LRRC31: variants seen among roughly 807,000 people sequenced by gnomAD.
LRRC31 encodes the protein leucine-rich repeat-containing protein 31.
In LRRC31, 35 loss-of-function variants were observed where a neutral mutation model predicts 46.7. The ratio of observed to expected loss-of-function variants is 0.75; its 90% CI spans 0.57 to 0.99. The LOEUF is 0.99. Among genes scored for constraint, LRRC31 ranks in the 50% least tolerant of loss-of-function variants. The pLI is 0.00. For synonymous variants in LRRC31, 236 were observed against 235.1 expected, an observed-to-expected ratio of 1.00 and a Z score of -0.03; for missense variants, 613 against 626.1, an observed-to-expected ratio of 0.98 and a Z score of 0.22.
At chr3:169,842,882 G>C (rs1457042391) in intron 8 of LRRC31, among the ~76,000 whole-genome samples, 1 of 151,986 alleles carries the variant, frequency 6.6e-6, no homozygotes, top group East Asian at 1.9e-4. Flanking sequence ...ATATTTAATG[G>C]TGTCTAATTC....
intron 1 of LRRC31, among the ~76,000 whole-genome samples, chr3:169,862,481 G>C (rs1451126169): frequency 6.6e-6 from 1 of 152,284 alleles, no homozygotes; most frequent in East Asian, 1.9e-4. Flanking sequence ...ACATGCTAGT[G>C]GCTGGGCACG....
chr3:169,868,433 A>G (rs1258911211), intron 1 of LRRC31, among the ~76,000 whole-genome samples: 1 of 152,156 alleles, frequency 6.6e-6, no homozygotes, highest in East Asian at 1.9e-4. Context: ...CCATCCCATC[A>G]TTCTTTGTCT....
chr3:169,856,921 A>G, intron 3 of LRRC31, 49 bp from the exon 4 acceptor site: 37 of 1,543,360 alleles, frequency 2.4e-5, no homozygotes, highest in Non-Finnish European at 3.3e-5. Flanking sequence ...TCAGAAAAGC[A>G]GGGAATTCAT....
At chr3:169,864,729 C>T (rs1781277474) in intron 1 of LRRC31, among the ~76,000 whole-genome samples, 1 of 152,188 alleles carries the variant, frequency 6.6e-6, no homozygotes, top group Non-Finnish European at 1.5e-5. Flanking sequence ...TGAGTACTAA[C>T]TTATGAGACC....
At position 169,851,664 on chromosome 3, in the gene LRRC31, C is replaced by T. The variant is rs1419142800; in HGVS notation, c.1114G>A (p.Val372Ile). The T allele has an allele frequency of 1.9e-6, 3 of 1,614,162 alleles. No individual in the cohort carries two copies. In the South Asian group the frequency reaches 3.3e-5, roughly 18 times the overall value. The stretch of plus-strand genomic sequence containing the variant: ...CTCTCCAAAGCACAGTTGTTGATAA[C>T]TAATGACTTCAATGCTGGTAAAAAT... ...LRFLPALKSL[V>I]INNCALESET... Residue 372 changes from valine to isoleucine, a missense_variant, in exon 7 of 9, where the codon GTT becomes ATT. Physicochemically the swap from Val to Ile is conservative, Grantham distance 29 (BLOSUM62 3). Transcript: ENST00000316428.
chr3:169,852,234 T>TAA (rs57252430), intron 6 of LRRC31, among the ~76,000 whole-genome samples: 34 of 132,478 alleles, frequency 2.6e-4, no homozygotes, highest in African/African-American at 7.2e-4. Context: ...CCGTCTCTAC[T>TAA]AAAAAAAAAA....
chr3:169,861,565 C>T, intron 2 of LRRC31, 105 bp downstream of exon 2: 1 of 1,158,786 alleles, frequency 8.6e-7, no homozygotes. Context: ...TCTGGGACCA[C>T]TCAGCAGACT....
At position 169,869,846 on chromosome 3, in the gene LRRC31, C is replaced by T. The variant is rs764295503; in HGVS notation, c.-39G>A. The T allele has an allele frequency of 1.2e-5, 18 of 1,520,110 alleles. 2 individuals carry two copies. The South Asian group carries it at 2.4e-4, about 20-fold the overall frequency. 94.2% of individuals were successfully genotyped at this position (1,520,110 alleles called of 1,614,324 possible). Reference sequence around the variant, plus strand: ...GGGGTAGTTCCCAATAAGACATCTTCCTGTTGCTTTCTGTTTTCTAGGATT... The same window carrying T: ...GGGGTAGTTCCCAATAAGACATCTTTCTGTTGCTTTCTGTTTTCTAGGATT... On this transcript the variant is annotated 5_prime_UTR_variant, in exon 1 of 9. Transcript: ENST00000316428.
intron 3 of LRRC31, among the ~76,000 whole-genome samples, chr3:169,858,538 G>C (rs1407868929): frequency 6.6e-6 from 1 of 152,184 alleles, no homozygotes; most frequent in East Asian, 1.9e-4. Flanking sequence ...GAGAAAGAAG[G>C]ACTATCAGTT....
intron 3 of LRRC31, among the ~76,000 whole-genome samples, chr3:169,859,078 T>A (rs1449601251): frequency 7.1e-6 from 1 of 141,718 alleles, no homozygotes; most frequent in African/African-American, 2.6e-5. Flanking sequence ...ATAAAAAAAA[T>A]ACAAAATAAT....
chr3:169,859,328 C>CTAGGAT (rs1240871311), intron 3 of LRRC31, among the ~76,000 whole-genome samples: 4 of 151,430 alleles, frequency 2.6e-5, no homozygotes, highest in Admixed American at 2.0e-4. Context: ...CGGGTAGGCA[C>CTAGGAT]TAGGATTTGA....
At chr3:169,865,932 A>G (rs1371176136) in intron 1 of LRRC31, among the ~76,000 whole-genome samples, 6 of 152,162 alleles carry the variant, frequency 3.9e-5, no homozygotes, top group African/African-American at 1.2e-4. Context: ...TGGGAGAAGA[A>G]TGTGGCCAGT....
intron 8 of LRRC31, among the ~76,000 whole-genome samples, chr3:169,845,844 AT>A (rs1438490842): frequency 1.3e-5 from 2 of 152,198 alleles, no homozygotes; most frequent in African/African-American, 4.8e-5. Context: ...AAATTAACAA[AT>A]TGATAAATCT....
chr3:169,866,386 G>C (rs982002438), intron 1 of LRRC31, among the ~76,000 whole-genome samples: 7 of 152,176 alleles, frequency 4.6e-5, no homozygotes, highest in African/African-American at 9.7e-5. Flanking sequence ...TGGGTGGTCA[G>C]TGTTGCACAG....
rs1164517509 is a variant in LRRC31 at position 169,867,023 on chromosome 3, G to A, written c.175+2610C>T. 1.7e-3 allele frequency among the ~76,000 whole-genome samples: 240 copies of A among 140,714 alleles called. 2 individuals are homozygous for A. The South Asian group carries it at 0.02, about 12-fold the overall frequency. 92.3% of individuals were successfully genotyped at this position (140,714 alleles called of 152,430 possible). ...ATTTTTTTTTTTTCTGTCTCAGAAA[G>A]AAAATTGGCCATGGGTTTTTTTTGT... On this transcript the variant is annotated intron_variant, in intron 1 of 8. Coordinates refer to ENST00000316428, the MANE Select transcript of LRRC31 (RefSeq NM_024727.4).
chr3:169,861,124 C>T (rs528502898), intron 2 of LRRC31, among the ~76,000 whole-genome samples: 43 of 141,414 alleles, frequency 3.0e-4, no homozygotes, highest in African/African-American at 1.1e-3. Flanking sequence ...GGCTGGAGTG[C>T]AGTGGCACGA....
In LRRC31 at chr3:169,856,759, G is replaced by A. The variant is rs748870231; in HGVS notation, c.601C>T (p.Gln201Ter). 4.4e-6 allele frequency: 7 copies of A among 1,607,584 alleles called. No individual in the cohort carries two copies. The highest frequency in any genetic ancestry group is 5.9e-6 in the Non-Finnish European group (7 of 1,176,988). ...LQKFQKGSKI[Q>*]MIELVDCSLT... ...GAGCAATCCACAAGCTCAATCATTT[G>A]TATCTTGCTCCCTTTTTGGAACTTC... is the stretch of plus-strand genomic sequence containing the variant. The change falls in exon 4 of 9, where the codon CAA becomes TAA. Residue 201 changes from glutamine to a stop codon, truncating the protein, a stop_gained. Transcript: ENST00000316428. LOFTEE classifies it high-confidence loss of function.
At chr3:169,848,568 T>A (rs996866744) in intron 7 of LRRC31, among the ~76,000 whole-genome samples, 1 of 152,198 alleles carries the variant, frequency 6.6e-6, no homozygotes, top group African/African-American at 2.4e-5. Flanking sequence ...GTGATTCCCC[T>A]GCCTCAGCCT....
chr3:169,852,186 C>G (rs1374074754), intron 6 of LRRC31, among the ~76,000 whole-genome samples: 1 of 150,324 alleles, frequency 6.7e-6, no homozygotes, highest in African/African-American at 2.5e-5. Context: ...ATCACGAGGT[C>G]AGGAGATCGA....
Sources: allele counts gnomAD v4.1 joint callset (sites outside exome capture counted in the v4.1 genomes callset), GRCh38; gene constraint gnomAD v4.1.1; transcripts MANE v1.5; gene names NCBI Gene and HGNC (gene_info 2026-07-23, HGNC 2026-07-21).